The following GCH1 variants were observed in gnomAD, a reference collection of about 807,000 sequenced individuals.
GCH1 encodes GTP cyclohydrolase I.
Under a neutral mutation model 25.9 loss-of-function variants are expected in GCH1, and 5 were observed. The observed-to-expected ratio is 0.19, with a 90% CI of 0.10 to 0.41. The LOEUF is 0.41. GCH1 is among the 10% of genes least tolerant of loss of function. GCH1 has a pLI of 1.00. For synonymous variants in GCH1, 159 were observed against 129.6 expected (o/e 1.23, Z -1.54); for missense variants, 261 against 336.5 (o/e 0.78, Z 1.75).
At chr14:54,889,760 C>T (rs2040400337) in intron 1 of GCH1, among the ~76,000 whole-genome samples, 1 of 152,206 alleles carries the variant, frequency 6.6e-6, no homozygotes, top group Non-Finnish European at 1.5e-5. Flanking sequence ...GAACAAACCT[C>T]AGGATCTTCA....
intron 1 of GCH1, among the ~76,000 whole-genome samples, chr14:54,890,174 G>C (rs2040405205): frequency 6.6e-6 from 1 of 152,184 alleles, no homozygotes; most frequent in African/African-American, 2.4e-5. Flanking sequence ...TTAGCCAAGG[G>C]GATTCACGAG....
intron 1 of GCH1, among the ~76,000 whole-genome samples, chr14:54,881,084 C>T (rs1452746542): frequency 6.6e-6 from 1 of 151,544 alleles, no homozygotes; most frequent in Non-Finnish European, 1.5e-5. Flanking sequence ...CTCAGCCTCT[C>T]AAAGTGCTGG....
intron 5 of GCH1, among the ~76,000 whole-genome samples, chr14:54,845,189 T>A (rs187844010): frequency 2.0e-5 from 3 of 150,652 alleles, no homozygotes; most frequent in African/African-American, 7.3e-5. Context: ...TTTTAAAAAA[T>A]GGCGATTGAG....
chr14:54,896,160 T>C (rs1481854864), intron 1 of GCH1, among the ~76,000 whole-genome samples: 3 of 152,190 alleles, frequency 2.0e-5, no homozygotes, highest in Non-Finnish European at 2.9e-5. Context: ...AGAATACAGA[T>C]ATATAAAAGA....
intron 2 of GCH1, among the ~76,000 whole-genome samples, chr14:54,861,133 T>C (rs2039890692): frequency 1.3e-5 from 2 of 152,240 alleles, no homozygotes; most frequent in South Asian, 2.1e-4. Flanking sequence ...ACTGTTTTCA[T>C]TGTTCACTTA....
Position 54,872,414 on chromosome 14 carries a change from T to C in GCH1, c.344-6978A>G, listed in dbSNP as rs1476912159. Reference sequence around the variant, plus strand: ...AAACATGCCAAATTGTAAAGACCATTGAGGCTAGGAAAAAACTGCATCAAC... The same window carrying C: ...AAACATGCCAAATTGTAAAGACCATCGAGGCTAGGAAAAAACTGCATCAAC... On this transcript the variant is annotated intron_variant, in intron 1 of 5. Coordinates refer to ENST00000491895, the MANE Select transcript of GCH1 (RefSeq NM_000161.3). Among the ~76,000 whole-genome samples the C allele has an allele frequency of 2.2e-3, 331 of 152,138 alleles. 2 individuals carry two copies. Among genetic ancestry groups the C allele is most frequent in the African/African-American group, 7.4e-3 (306 of 41,452 alleles).
intron 3 of GCH1, among the ~76,000 whole-genome samples, chr14:54,855,345 A>C (rs1320688202): frequency 6.6e-6 from 1 of 151,920 alleles, no homozygotes; most frequent in Non-Finnish European, 1.5e-5. Context: ...ATCTCTACTA[A>C]AAATACAAAA....
chr14:54,843,355 AAAC>A lies in GCH1; in HGVS notation c.*659_*661del. ...TATGTTGACACGAGAATACACTCGT[AAAC>A]AACACCAGGAACTAATTCCCTATTC... On this transcript the variant is annotated 3_prime_UTR_variant, in exon 6 of 6. Coordinates refer to ENST00000491895, the MANE Select transcript of GCH1 (RefSeq NM_000161.3). The A allele has an allele frequency of 7.8e-7, 1 of 1,282,840 alleles. No individual in the cohort carries two copies. The highest frequency in any genetic ancestry group is 9.8e-7 in the Non-Finnish European group (1 of 1,017,714). The allele number at this position is 1,282,840 out of a possible 1,614,324, so 79.5% of individuals were successfully genotyped here. A position where few individuals can be genotyped will look rare whatever the true frequency, so the allele number is the denominator to read the frequency against.
chr14:54,848,136 CTTTTTTT>C (rs376044763), intron 3 of GCH1, among the ~76,000 whole-genome samples: 3,725 of 137,364 alleles, frequency 0.027, 157 homozygotes, highest in African/African-American at 0.093. Context: ...AAATTTTCCT[CTTTTTTT>C]TTTTTTTTTT....
At chr14:54,902,199 C>CA in intron 1 of GCH1, 122 bp downstream of exon 1, 4 of 1,109,938 alleles carry the variant, frequency 3.6e-6, no homozygotes, top group Non-Finnish European at 2.6e-6. Flanking sequence ...TCGGAGGTGA[C>CA]AGCGCCCGGC....
rs2039567324 is a variant in GCH1, at chr14:54,842,215, T to C, written c.*1802A>G. On this transcript the variant is annotated 3_prime_UTR_variant, in exon 6 of 6. Transcript: ENST00000491895. ...GACTAGAGTAAAACAGACAAAGTCA[T>C]TACTTTGCATTTACTAATAAGACAA... 6.6e-6 allele frequency: 1 copy of C among 152,626 alleles called. No homozygotes were observed. Among genetic ancestry groups the C allele is most frequent in the Non-Finnish European group, 1.5e-5 (1 of 68,046 alleles). 9.5% of individuals were successfully genotyped at this position (152,626 alleles called of 1,614,324 possible).
chr14:54,851,335 C>G (rs374604930), intron 3 of GCH1, among the ~76,000 whole-genome samples: 2,314 of 152,220 alleles, frequency 0.015, 36 homozygotes, highest in South Asian at 0.049. Flanking sequence ...GACTAAAACA[C>G]CAAAAGCAAT....
intron 1 of GCH1, among the ~76,000 whole-genome samples, chr14:54,880,520 T>TATATATATATACTCC: frequency 3.1e-5 from 1 of 32,182 alleles, no homozygotes; most frequent in South Asian, 8.5e-4. Context: ...ATATACTCCA[T>TATATATATATACTCC]ATATATATAT....
In GCH1 at chr14:54,880,431, C is replaced by CAT. The variant is rs34635384; in HGVS notation, c.344-14997_344-14996dup. 3.9e-4 allele frequency among the ~76,000 whole-genome samples: 33 copies of CAT among 84,158 alleles called. 4 individuals carry two copies. Among genetic ancestry groups the CAT allele is most frequent in the African/African-American group, 1.6e-3 (26 of 16,018 alleles). The allele number at this position is 84,158 out of a possible 152,430, so 55.2% of individuals were successfully genotyped here. A position where few individuals can be genotyped will look rare whatever the true frequency, so the allele number is the denominator to read the frequency against. ...TAATATATAAAATATATATATACTC[C>CAT]ATATATATATATACTCCATATAAAT... is the stretch of plus-strand genomic sequence containing the variant. On this transcript the variant is annotated intron_variant, in intron 1 of 5. Transcript: ENST00000491895.
chr14:54,897,162 A>G (rs931627723), intron 1 of GCH1, among the ~76,000 whole-genome samples: 1 of 150,894 alleles, frequency 6.6e-6, no homozygotes, highest in Non-Finnish European at 1.5e-5. Context: ...GGCACGCACC[A>G]CCACACCCAG....
intron 1 of GCH1, among the ~76,000 whole-genome samples, chr14:54,879,738 G>A (rs1267104246): frequency 6.6e-6 from 1 of 152,026 alleles, no homozygotes; most frequent in African/African-American, 2.4e-5. Flanking sequence ...AGTGGCTCAC[G>A]CCTGTAATCC....
At chr14:54,855,458 A>G (rs1314236725) in intron 3 of GCH1, among the ~76,000 whole-genome samples, 1 of 144,366 alleles carries the variant, frequency 6.9e-6, no homozygotes, top group Non-Finnish European at 1.5e-5. Context: ...GTGAGCCCAG[A>G]TAGTGCCACT....
rs372839022 is a variant in GCH1, at chr14:54,885,911, C to A, written c.343+16410G>T. 5.1e-4 allele frequency: 95 copies of A among 186,774 alleles called. 1 individual carries two copies. Among genetic ancestry groups the A allele is most frequent in the African/African-American group, 1.4e-3 (58 of 41,766 alleles). 11.6% of individuals were successfully genotyped at this position (186,774 alleles called of 1,614,324 possible). On this transcript the variant is annotated intron_variant, in intron 1 of 5. Transcript: ENST00000491895. ...CTCAAAAAACAAACAACAACAACAACAAAAAAAAACGGGCAAGCTTACAGC... is the reference window on the plus strand; with the variant it reads ...CTCAAAAAACAAACAACAACAACAAAAAAAAAAAACGGGCAAGCTTACAGC...
intron 1 of GCH1, among the ~76,000 whole-genome samples, chr14:54,897,203 T>C (rs567918379): frequency 1.3e-5 from 2 of 148,864 alleles, no homozygotes; most frequent in South Asian, 4.3e-4. Context: ...AGAGACGGGG[T>C]TCTTGATCTC....
Sources: gnomAD v4.1 joint callset for allele counts (sites outside exome capture counted in the v4.1 genomes callset) on GRCh38, gnomAD v4.1.1 for gene constraint, MANE v1.5 for transcripts, NCBI Gene and HGNC (gene_info 2026-07-23, HGNC 2026-07-21) for gene names.